ME1: variants seen among roughly 807,000 people sequenced by gnomAD.
ME1 encodes NADP-dependent malic enzyme.
ME1 carries 74 observed loss-of-function variants against 66.4 expected under a neutral mutation model. The observed-to-expected ratio is 1.11, with a 90% confidence interval of 0.92 to 1.35. ME1 has a LOEUF of 1.35. ME1 is among the 40% of genes most tolerant of loss of function. ME1 has a pLI of 0.00. For missense variants in ME1, 750 were observed against 694.1 expected, an observed-to-expected ratio of 1.08 and a Z score of -0.90; for synonymous variants, 251 against 235.6, an observed-to-expected ratio of 1.07 and a Z score of -0.60.
At chr6:83,251,337 A>G (rs1000843933) in intron 7 of ME1, among the ~76,000 whole-genome samples, 6 of 151,992 alleles carry the variant, frequency 3.9e-5, no homozygotes, top group South Asian at 2.1e-4. Context: ...TCTACTAAAA[A>G]TACAAAAATT....
intron 3 of ME1, among the ~76,000 whole-genome samples, chr6:83,386,500 T>C (rs1404266065): frequency 6.6e-6 from 1 of 151,862 alleles, no homozygotes; most frequent in Non-Finnish European, 1.5e-5. Flanking sequence ...GGACTGCCTC[T>C]CACCCCTTCC....
intron 3 of ME1, among the ~76,000 whole-genome samples, chr6:83,397,952 C>G (rs767479375): frequency 6.6e-6 from 1 of 152,012 alleles, no homozygotes; most frequent in African/African-American, 2.4e-5. Context: ...AAGAGAAGAA[C>G]GGTAGTTACC....
At chr6:83,221,853 T>C (rs1233832011) in intron 12 of ME1, among the ~76,000 whole-genome samples, 1 of 152,114 alleles carries the variant, frequency 6.6e-6, no homozygotes, top group African/African-American at 2.4e-5. Context: ...GAGTGGGACA[T>C]AATTTAGATG....
Position 83,239,588 on chromosome 6 carries a change from G to T in ME1, c.863C>A (p.Thr288Asn). ...TGTTTGATCAGACAGTTTGTTCTTG[G>T]TTATTCGAAGAGCTGCAAGGAGACC... is the stretch of plus-strand genomic sequence containing the variant. Reference protein sequence around the residue: ...VAGLLAALRITKNKLSDQTIL... With the variant: ...VAGLLAALRINKNKLSDQTIL... The change falls in exon 8 of 14, where the codon ACC becomes AAC. Residue 288 changes from threonine (T) to asparagine (N), a missense_variant. Transcript: ENST00000369705. The T allele has an allele frequency of 6.2e-7, 1 of 1,613,412 alleles. No homozygotes were observed. The highest frequency in any genetic ancestry group is 8.5e-7 in the Non-Finnish European group (1 of 1,179,500).
chr6:83,245,545 A>G (rs917591158), intron 7 of ME1, among the ~76,000 whole-genome samples: 2 of 152,212 alleles, frequency 1.3e-5, no homozygotes, highest in African/African-American at 4.8e-5. Flanking sequence ...AGCTAGGATT[A>G]CAGGCATGCA....
intron 3 of ME1, among the ~76,000 whole-genome samples, chr6:83,379,518 TG>T (rs1435325238): frequency 6.6e-6 from 1 of 152,114 alleles, no homozygotes; most frequent in Non-Finnish European, 1.5e-5. Flanking sequence ...TATGAATGCT[TG>T]TAAACACCGT....
At chr6:83,242,220 C>G (rs1790522111) in intron 7 of ME1, among the ~76,000 whole-genome samples, 1 of 152,086 alleles carries the variant, frequency 6.6e-6, no homozygotes, top group South Asian at 2.1e-4. Context: ...CTAAACAGAT[C>G]GAATTTTTCT....
chr6:83,363,858 T>C (rs1246544600), intron 3 of ME1, among the ~76,000 whole-genome samples: 2 of 152,236 alleles, frequency 1.3e-5, no homozygotes, highest in East Asian at 3.8e-4. Flanking sequence ...TGTAACAGTA[T>C]TTGGGTTGGG....
chr6:83,365,454 T>C lies in ME1; in HGVS notation c.363-13315A>G, dbSNP rs1191748514. Among the ~76,000 whole-genome samples the C allele has an allele frequency of 2.0e-5, 3 of 152,176 alleles. No homozygotes were observed. The East Asian group carries it at 5.8e-4, about 29-fold the overall frequency. On this transcript the variant is annotated intron_variant, in intron 3 of 13. Coordinates refer to ENST00000369705, the MANE Select transcript of ME1 (RefSeq NM_002395.6). ...CATTTCATGCAGGGTTCCCAGCCCT[T>C]TCAATGAGAAAATGAAAGAGCATGA...
At chr6:83,280,989 C>T (rs1767276987) in intron 6 of ME1, among the ~76,000 whole-genome samples, 1 of 152,130 alleles carries the variant, frequency 6.6e-6, no homozygotes, top group African/African-American at 2.4e-5. Flanking sequence ...CTTTAACAAC[C>T]ATCTCACAAA....
chr6:83,305,804 C>G (rs975819368), intron 6 of ME1, among the ~76,000 whole-genome samples: 3 of 152,140 alleles, frequency 2.0e-5, no homozygotes, highest in Admixed American at 2.0e-4. Context: ...TAATTTCTGA[C>G]CTTACCCCCA....
intron 3 of ME1, among the ~76,000 whole-genome samples, chr6:83,354,422 G>A (rs993843939): frequency 2.0e-5 from 3 of 152,188 alleles, no homozygotes; most frequent in South Asian, 2.1e-4. Context: ...GTGAGCTACG[G>A]CACTTGGCCT....
chr6:83,243,541 T>C (rs1790550151), intron 7 of ME1, among the ~76,000 whole-genome samples: 1 of 70,728 alleles, frequency 1.4e-5, no homozygotes, highest in Admixed American at 1.5e-4. Context: ...TATAATCTAT[T>C]ATAATTATAT....
chr6:83,303,568 A>C (rs1767769501), intron 6 of ME1, among the ~76,000 whole-genome samples: 1 of 152,184 alleles, frequency 6.6e-6, no homozygotes, highest in South Asian at 2.1e-4. Flanking sequence ...GTTGAATGAG[A>C]AGTTTATTCC....
At chr6:83,380,740 C>G (rs553051641) in intron 3 of ME1, among the ~76,000 whole-genome samples, 82 of 152,064 alleles carry the variant, frequency 5.4e-4, no homozygotes, top group Non-Finnish European at 8.4e-4. Flanking sequence ...AGATGAGCTA[C>G]TTAGTAGTTG....
intron 6 of ME1, among the ~76,000 whole-genome samples, chr6:83,293,840 T>C (rs1251064676): frequency 6.6e-6 from 1 of 152,224 alleles, no homozygotes; most frequent in Non-Finnish European, 1.5e-5. Context: ...GAGTCACTTT[T>C]ATAAAAAACA....
intron 7 of ME1, among the ~76,000 whole-genome samples, chr6:83,243,515 AATTAT>A (rs1339512616): frequency 2.2e-4 from 28 of 126,646 alleles, no homozygotes; most frequent in Admixed American, 8.8e-4. Flanking sequence ...AATCTATTAT[AATTAT>A]ATTATATCGA....
At chr6:83,297,610 A>T (rs2128536003) in intron 6 of ME1, among the ~76,000 whole-genome samples, 1 of 152,282 alleles carries the variant, frequency 6.6e-6, no homozygotes, top group East Asian at 1.9e-4. Context: ...TTTAAGTTCC[A>T]GGATACATGT....
At chr6:83,282,610 G>T (rs1767319195) in intron 6 of ME1, among the ~76,000 whole-genome samples, 1 of 152,150 alleles carries the variant, frequency 6.6e-6, no homozygotes, top group Non-Finnish European at 1.5e-5. Context: ...TCAGGAAATA[G>T]CAGACGTTGG....
Sources: gnomAD v4.1 joint callset for allele counts (sites outside exome capture counted in the v4.1 genomes callset) on GRCh38, gnomAD v4.1.1 for gene constraint, MANE v1.5 for transcripts, NCBI Gene and HGNC (gene_info 2026-07-23, HGNC 2026-07-21) for gene names.